CDH8: variants seen among roughly 807,000 people sequenced by gnomAD.
CDH8 encodes cadherin-8.
Under a neutral mutation model 68.1 loss-of-function variants are expected in CDH8, and 17 were observed. The observed-to-expected ratio is 0.25, with a 90% CI of 0.17 to 0.37. CDH8 has a LOEUF of 0.37. Among genes scored for constraint, CDH8 ranks in the 10% least tolerant of loss-of-function variants. The probability of loss-of-function intolerance (pLI) is 1.00; values close to 1 mark genes in which losing one functional copy is unlikely to be tolerated. For missense variants in CDH8, 763 were observed against 999.3 expected (o/e 0.76, Z 3.19); for synonymous variants, 372 against 365.1 (o/e 1.02, Z -0.21).
Position 61,785,290 on chromosome 16 carries a change from T to A in CDH8, c.1414+4056A>T, listed in dbSNP as rs555134444. ...GATCCCACAGAAATACAAACTACCA[T>A]CAGAGAATACTACAAACACCTCTAC... is the stretch of plus-strand genomic sequence containing the variant. On this transcript the variant is annotated intron_variant, in intron 8 of 11. Transcript: ENST00000577390. 3.5e-3 allele frequency among the ~76,000 whole-genome samples: 320 copies of A among 92,000 alleles called. 13 individuals are homozygous for A. In the East Asian group the frequency reaches 0.089, roughly 26 times the overall value. The allele number at this position is 92,000 out of a possible 152,430, so 60.4% of individuals were successfully genotyped here.
At chr16:61,832,669 AT>A (rs1320901176) in intron 4 of CDH8, among the ~76,000 whole-genome samples, 2 of 151,688 alleles carry the variant, frequency 1.3e-5, no homozygotes, top group Non-Finnish European at 2.9e-5. Flanking sequence ...TCTGTACAAT[AT>A]TTTTTAAAAG....
At chr16:61,810,175 C>T (rs995702031) in intron 7 of CDH8, among the ~76,000 whole-genome samples, 4 of 152,154 alleles carry the variant, frequency 2.6e-5, no homozygotes, top group Non-Finnish European at 5.9e-5. Flanking sequence ...TTATATTTCA[C>T]TGAACTCCAA....
chr16:61,862,241 T>C (rs1433995359), intron 3 of CDH8, among the ~76,000 whole-genome samples: 3 of 152,138 alleles, frequency 2.0e-5, no homozygotes, highest in Non-Finnish European at 2.9e-5. Flanking sequence ...TGGTATAAAA[T>C]TGCTCTGAGA....
At chr16:62,001,570 G>T (rs1965894770) in intron 2 of CDH8, among the ~76,000 whole-genome samples, 1 of 152,096 alleles carries the variant, frequency 6.6e-6, no homozygotes, top group African/African-American at 2.4e-5. Context: ...GATTTACATA[G>T]CGATCTTCTC....
At chr16:61,811,105 G>A (rs1878869836) in intron 7 of CDH8, among the ~76,000 whole-genome samples, 1 of 151,590 alleles carries the variant, frequency 6.6e-6, no homozygotes, top group Admixed American at 6.6e-5. Context: ...GCCAACCTCT[G>A]TATTATAGGC....
chr16:61,931,082 T>C (rs1242732698), intron 2 of CDH8, among the ~76,000 whole-genome samples: 1 of 152,212 alleles, frequency 6.6e-6, no homozygotes, highest in African/African-American at 2.4e-5. Context: ...ATTACACCAT[T>C]TCGAAATTGT....
At chr16:62,035,550 A>C (rs1041091945) in intron 1 of CDH8, among the ~76,000 whole-genome samples, 1 of 152,184 alleles carries the variant, frequency 6.6e-6, no homozygotes, top group Non-Finnish European at 1.5e-5. Flanking sequence ...CTTGGCCCGC[A>C]GCCCTGCCGC....
intron 8 of CDH8, among the ~76,000 whole-genome samples, chr16:61,769,600 T>C (rs912022937): frequency 6.6e-6 from 1 of 151,832 alleles, no homozygotes; most frequent in Admixed American, 6.6e-5. Flanking sequence ...AAGAGAATTA[T>C]GATGTTCAGA....
At position 61,795,037 on chromosome 16, in the gene CDH8, T is replaced by C. The variant is rs889431088; in HGVS notation, c.1278-5555A>G. 6.6e-5 allele frequency among the ~76,000 whole-genome samples: 10 copies of C among 151,912 alleles called. 1 individual carries two copies. The highest frequency in any genetic ancestry group is 2.4e-4 in the African/African-American group (10 of 41,372). On this transcript the variant is annotated intron_variant, in intron 7 of 11. Transcript: ENST00000577390. ...TTTCTGGTCCTCACAGCTGCCACTATACATTCCACCATTTTAATTCCTCCC... is the reference window on the plus strand; with the variant it reads ...TTTCTGGTCCTCACAGCTGCCACTACACATTCCACCATTTTAATTCCTCCC...
rs543946777 is a variant in CDH8 at position 61,676,664 on chromosome 16, G to A, written c.1655-20943C>T. 2.8e-4 allele frequency among the ~76,000 whole-genome samples: 43 copies of A among 152,134 alleles called. No homozygotes were observed. The South Asian group carries it at 8.7e-3, about 31-fold the overall frequency. ...TTCAGTTAATATTACACTTAATTTTGAAAGACTGAATATTTTTCCAAAACA... is the reference window on the plus strand; with the variant it reads ...TTCAGTTAATATTACACTTAATTTTAAAAGACTGAATATTTTTCCAAAACA... On this transcript the variant is annotated intron_variant, in intron 10 of 11. Coordinates refer to ENST00000577390, the MANE Select transcript of CDH8 (RefSeq NM_001796.5).
intron 8 of CDH8, among the ~76,000 whole-genome samples, chr16:61,750,434 T>C (rs1281353984): frequency 6.6e-6 from 1 of 152,112 alleles, no homozygotes; most frequent in Non-Finnish European, 1.5e-5. Context: ...CTGACTAATG[T>C]TTTAGTGACC....
chr16:61,788,043 C>G (rs1191301776), intron 8 of CDH8, among the ~76,000 whole-genome samples: 1 of 149,070 alleles, frequency 6.7e-6, no homozygotes, highest in Non-Finnish European at 1.5e-5. Context: ...ACATATGTAA[C>G]TAACCTGCAC....
intron 2 of CDH8, among the ~76,000 whole-genome samples, chr16:61,976,373 ATAG>A (rs2150579952): frequency 6.6e-6 from 1 of 152,280 alleles, no homozygotes; most frequent in African/African-American, 2.4e-5. Context: ...GGTTGATTTT[ATAG>A]TAGATCTTCC....
At chr16:61,701,089 T>C (rs1964420379) in intron 10 of CDH8, among the ~76,000 whole-genome samples, 1 of 152,132 alleles carries the variant, frequency 6.6e-6, no homozygotes, top group African/African-American at 2.4e-5. Context: ...GAGTTTGGGC[T>C]TTGGGTCAGA....
At chr16:61,921,598 T>C (rs1484189381) in intron 2 of CDH8, among the ~76,000 whole-genome samples, 4 of 152,222 alleles carry the variant, frequency 2.6e-5, no homozygotes, top group Admixed American at 6.5e-5. Flanking sequence ...TTTTTGATAC[T>C]GTATAATAAA....
intron 3 of CDH8, among the ~76,000 whole-genome samples, chr16:61,889,079 A>G (rs2143180651): frequency 6.6e-6 from 1 of 152,280 alleles, no homozygotes. Flanking sequence ...TTCCCTTAGG[A>G]TGGGGATGTA....
intron 3 of CDH8, among the ~76,000 whole-genome samples, chr16:61,858,008 A>G (rs950091980): frequency 4.7e-5 from 7 of 150,296 alleles, no homozygotes; most frequent in Non-Finnish European, 7.4e-5. Context: ...TGATGCCATT[A>G]AAAAAAATAA....
At chr16:61,850,601 T>C (rs1962917438) in intron 4 of CDH8, among the ~76,000 whole-genome samples, 2 of 152,044 alleles carry the variant, frequency 1.3e-5, no homozygotes, top group South Asian at 2.1e-4. Flanking sequence ...TCTAATACCA[T>C]TGAGAAAATG....
intron 2 of CDH8, among the ~76,000 whole-genome samples, chr16:61,999,770 A>C (rs1459920208): frequency 6.7e-6 from 1 of 149,736 alleles, no homozygotes; most frequent in African/African-American, 2.5e-5. Flanking sequence ...TGTTCTTTGA[A>C]AAAAAAAATT....
Sources: gnomAD v4.1 joint callset for allele counts (sites outside exome capture counted in the v4.1 genomes callset) on GRCh38, gnomAD v4.1.1 for gene constraint, MANE v1.5 for transcripts, NCBI Gene and HGNC (gene_info 2026-07-23, HGNC 2026-07-21) for gene names.